Variants in LRRC4C observed in about 807,000 individuals in gnomAD.
LRRC4C encodes leucine rich repeat containing 4C.
In LRRC4C, 5 loss-of-function variants were observed where a neutral mutation model predicts 33.6. That is an observed-to-expected ratio of 0.15 (90% CI 0.08 to 0.31). The LOEUF is 0.31. Among genes scored for constraint, LRRC4C ranks in the 10% least tolerant of loss-of-function variants. The pLI is 1.00. For missense variants in LRRC4C, 560 were observed against 796.7 expected (o/e 0.70, Z 3.58); for synonymous variants, 329 against 302.0 (o/e 1.09, Z -0.93).
intron 1 of LRRC4C, among the ~76,000 whole-genome samples, chr11:41,371,576 T>A (rs1952748821): frequency 1.3e-5 from 2 of 152,196 alleles, no homozygotes; most frequent in South Asian, 4.1e-4. Context: ...TACTCCCCAT[T>A]CCCTGTCTTC....
At chr11:41,150,261 A>C (rs910517151) in intron 1 of LRRC4C, among the ~76,000 whole-genome samples, 4 of 152,208 alleles carry the variant, frequency 2.6e-5, no homozygotes, top group African/African-American at 9.6e-5. Context: ...ATCTGTCTAC[A>C]AGTATGAATG....
chr11:41,445,192 C>T (rs893734942), intron 1 of LRRC4C, among the ~76,000 whole-genome samples: 3 of 152,184 alleles, frequency 2.0e-5, no homozygotes, highest in East Asian at 1.9e-4. Flanking sequence ...ATGCAACCTT[C>T]GCTTCACCAT....
intron 1 of LRRC4C, among the ~76,000 whole-genome samples, chr11:41,052,052 C>T (rs4147442): frequency 0.36 from 54,056 of 151,974 alleles, 10,742 homozygotes; most frequent in South Asian, 0.45. Context: ...AGGTTCTGCT[C>T]TGTACTGGGC....
At chr11:40,286,331 G>C (rs919326750) in intron 4 of LRRC4C, among the ~76,000 whole-genome samples, 3 of 152,098 alleles carry the variant, frequency 2.0e-5, no homozygotes, top group African/African-American at 7.2e-5. Flanking sequence ...TGAAACTGCA[G>C]ATAAGAAGGG....
At chr11:41,178,044 G>A (rs890309896) in intron 1 of LRRC4C, among the ~76,000 whole-genome samples, 1 of 152,092 alleles carries the variant, frequency 6.6e-6, no homozygotes, top group Non-Finnish European at 1.5e-5. Flanking sequence ...GTGCATGACA[G>A]GGCTCAGTAT....
At chr11:40,665,082 A>G (rs1008233578) in intron 2 of LRRC4C, among the ~76,000 whole-genome samples, 5 of 151,460 alleles carry the variant, frequency 3.3e-5, no homozygotes, top group African/African-American at 9.7e-5. Flanking sequence ...AAGGATGACA[A>G]TTTATCTTCT....
intron 1 of LRRC4C, among the ~76,000 whole-genome samples, chr11:40,999,024 C>T (rs892232610): frequency 6.6e-6 from 1 of 152,072 alleles, no homozygotes; most frequent in Non-Finnish European, 1.5e-5. Context: ...GCAGGAGTTG[C>T]ATCAATAAAA....
At chr11:40,787,378 T>C (rs1288055704) in intron 2 of LRRC4C, among the ~76,000 whole-genome samples, 2 of 152,146 alleles carry the variant, frequency 1.3e-5, no homozygotes, top group Non-Finnish European at 2.9e-5. Flanking sequence ...AGTTGCTTAT[T>C]CCTTTCCTTT....
At chr11:40,168,243 G>T (rs750373490) in intron 5 of LRRC4C, among the ~76,000 whole-genome samples, 1 of 152,156 alleles carries the variant, frequency 6.6e-6, no homozygotes, top group Non-Finnish European at 1.5e-5. Context: ...GGTCTGTTCA[G>T]AGGGACAAAA....
chr11:40,670,140 G>A lies in LRRC4C; in HGVS notation c.-406-21862C>T, dbSNP rs151287637. Among the ~76,000 whole-genome samples the A allele has an allele frequency of 6.8e-3, 1,041 of 152,264 alleles. 6 individuals are homozygous for A. Among genetic ancestry groups the A allele is most frequent in the Non-Finnish European group, 9.8e-3 (665 of 68,026 alleles). On this transcript the variant is annotated intron_variant, in intron 2 of 6. Coordinates refer to ENST00000528697, the MANE Select transcript of LRRC4C (RefSeq NM_001258419.2). ...TAGTAGTTACTTCAAAATCAAACAAGGTGTGTTGTACATCTCAGGAGTGGA... is the reference window on the plus strand; with the variant it reads ...TAGTAGTTACTTCAAAATCAAACAAAGTGTGTTGTACATCTCAGGAGTGGA...
chr11:40,178,318 G>A (rs1377328740), intron 5 of LRRC4C, among the ~76,000 whole-genome samples: 6 of 152,112 alleles, frequency 3.9e-5, no homozygotes, highest in Admixed American at 6.5e-5. Flanking sequence ...GTAAATGAAC[G>A]AGCAGTTCTG....
intron 2 of LRRC4C, among the ~76,000 whole-genome samples, chr11:40,699,461 G>C (rs1402994680): frequency 1.3e-5 from 2 of 152,072 alleles, no homozygotes; most frequent in African/African-American, 4.8e-5. Context: ...TGAGAATGAG[G>C]AAACAACTAA....
At chr11:40,169,639 C>T (rs1033213771) in intron 5 of LRRC4C, among the ~76,000 whole-genome samples, 1 of 152,128 alleles carries the variant, frequency 6.6e-6, no homozygotes, top group Non-Finnish European at 1.5e-5. Context: ...TTGGGAAAGA[C>T]AAGGCACATG....
At chr11:40,346,726 A>G (rs1253094750) in intron 3 of LRRC4C, among the ~76,000 whole-genome samples, 1 of 152,222 alleles carries the variant, frequency 6.6e-6, no homozygotes, top group Non-Finnish European at 1.5e-5. Context: ...AAAGCAAACA[A>G]CATGAATCTC....
intron 1 of LRRC4C, among the ~76,000 whole-genome samples, chr11:41,099,353 C>G (rs1941016875): frequency 6.6e-6 from 1 of 151,160 alleles, no homozygotes; most frequent in South Asian, 2.1e-4. Flanking sequence ...CAGCATCATC[C>G]TGATACCAAA....
chr11:41,087,890 T>A (rs1940122085), intron 1 of LRRC4C, among the ~76,000 whole-genome samples: 1 of 152,166 alleles, frequency 6.6e-6, no homozygotes. Flanking sequence ...CTATCAATTA[T>A]TTGACTATAT....
At chr11:40,268,651 T>TAA (rs375895559) in intron 4 of LRRC4C, among the ~76,000 whole-genome samples, 1 of 149,098 alleles carries the variant, frequency 6.7e-6, no homozygotes, top group Non-Finnish European at 1.5e-5. Context: ...GTAGCACTGG[T>TAA]AAAAAAAAAA....
intron 2 of LRRC4C, among the ~76,000 whole-genome samples, chr11:40,833,314 A>G (rs567345743): frequency 8.0e-4 from 121 of 152,178 alleles, no homozygotes; most frequent in Non-Finnish European, 2.4e-4. Context: ...GTGCTGTTCA[A>G]TAAAAATATT....
intron 5 of LRRC4C, among the ~76,000 whole-genome samples, chr11:40,235,100 G>A (rs984033294): frequency 2.6e-5 from 4 of 152,130 alleles, no homozygotes; most frequent in Non-Finnish European, 4.4e-5. Context: ...CAGAATTTAA[G>A]CAGCAATTTC....
Sources: allele counts gnomAD v4.1 joint callset (sites outside exome capture counted in the v4.1 genomes callset), GRCh38; gene constraint gnomAD v4.1.1; transcripts MANE v1.5; gene names NCBI Gene and HGNC (gene_info 2026-07-23, HGNC 2026-07-21).